NOTCH2NLB: variants seen among roughly 807,000 people sequenced by gnomAD.
NOTCH2NLB encodes the protein notch homolog 2 N-terminal-like protein B.
In NOTCH2NLB, 1 loss-of-function variant was observed where a neutral mutation model predicts 14.8. The ratio of observed to expected loss-of-function variants is 0.07; its 90% CI spans 0.02 to 0.32. The LOEUF (loss-of-function observed/expected upper bound fraction) is 0.32. NOTCH2NLB is among the 10% of genes least tolerant of loss of function. NOTCH2NLB has a pLI of 1.00. For missense variants in NOTCH2NLB, 11 were observed against 155.0 expected (o/e 0.07, Z 4.93); for synonymous variants, 6 against 57.5 (o/e 0.10, Z 4.05).
the NOTCH2NLB span, among the ~76,000 whole-genome samples, chr1:148,693,072 T>G: frequency 8.3e-6 from 1 of 120,010 alleles, no homozygotes; most frequent in Non-Finnish European, 1.6e-5. Context: ...TCTCTGCCGC[T>G]AGGAAGAAGA....
chr1:148,608,310 C>T (rs1663571589), intron 3 of NOTCH2NLB, among the ~76,000 whole-genome samples: 1 of 137,090 alleles, frequency 7.3e-6, no homozygotes, highest in Admixed American at 6.9e-5. Flanking sequence ...TCACTTGAAC[C>T]CAGGAGGCGG....
the NOTCH2NLB span, among the ~76,000 whole-genome samples, chr1:148,703,068 C>T: frequency 8.6e-4 from 22 of 25,588 alleles, 1 homozygote; most frequent in Non-Finnish European, 1.3e-3. Context: ...GCCGAGATTG[C>T]GCCACTGCAC....
At chr1:148,628,284 T>G (rs1571098514) in intron 2 of NOTCH2NLB, among the ~76,000 whole-genome samples, 2 of 127,480 alleles carry the variant, frequency 1.6e-5, no homozygotes, top group African/African-American at 3.5e-5. Context: ...TCCTACAAAG[T>G]GGCCTCAATA....
chr1:148,609,226 CTAA>C (rs1476776991), intron 3 of NOTCH2NLB, among the ~76,000 whole-genome samples: 1 of 118,486 alleles, frequency 8.4e-6, no homozygotes, highest in African/African-American at 3.5e-5. Flanking sequence ...GGTACATCTC[CTAA>C]TGCTATCCCT....
At chr1:148,638,435 C>T (rs1377199164) in intron 2 of NOTCH2NLB, among the ~76,000 whole-genome samples, 2 of 148,732 alleles carry the variant, frequency 1.3e-5, no homozygotes, top group African/African-American at 2.5e-5. Context: ...ATAAAGCAAG[C>T]AACTAAGGCA....
chr1:148,633,540 G>A (rs1204109067), intron 2 of NOTCH2NLB, among the ~76,000 whole-genome samples: 1 of 43,672 alleles, frequency 2.3e-5, no homozygotes, highest in African/African-American at 1.7e-4. Context: ...GCCACAGAGC[G>A]AGACTCTGTC....
At chr1:148,670,553 C>G (rs1181324072) in intron 1 of NOTCH2NLB, among the ~76,000 whole-genome samples, 5 of 104,242 alleles carry the variant, frequency 4.8e-5, no homozygotes, top group Admixed American at 9.2e-5. Flanking sequence ...TATATATATA[C>G]ATATATATAT....
chr1:148,670,617 A>G (rs1467107794), intron 1 of NOTCH2NLB, among the ~76,000 whole-genome samples: 1 of 133,854 alleles, frequency 7.5e-6, no homozygotes, highest in Non-Finnish European at 1.7e-5. Flanking sequence ...GGGTAAAAAA[A>G]CCAAAGACGT....
chr1:148,691,865 C>T, the NOTCH2NLB span, among the ~76,000 whole-genome samples: 6 of 99,834 alleles, frequency 6.0e-5, 1 homozygote, highest in South Asian at 8.2e-4. Flanking sequence ...GCTCTTGCTC[C>T]CTCTCTTGCC....
At chr1:148,703,320 C>T in the NOTCH2NLB span, among the ~76,000 whole-genome samples, 2 of 130,198 alleles carry the variant, frequency 1.5e-5, no homozygotes, top group Non-Finnish European at 3.3e-5. Context: ...TTACAAAGCA[C>T]TATAGGTGCT....
chr1:148,662,271 TTC>T lies in NOTCH2NLB; in HGVS notation c.3+17189_3+17190del, dbSNP rs1182132375. On this transcript the variant is annotated intron_variant, in intron 1 of 4. Coordinates refer to ENST00000593495, the Ensembl canonical transcript of NOTCH2NLB. ...ACACCATCTGTGTACACAATTTGTA[TTC>T]TGTTTAAATTTAAAGTTATAATGAT... is the stretch of plus-strand genomic sequence containing the variant. 6.6e-5 allele frequency among the ~76,000 whole-genome samples: 3 copies of T among 45,760 alleles called. No individual in the cohort carries two copies. The Admixed American group carries it at 7.1e-4, about 11-fold the overall frequency. The allele number at this position is 45,760 out of a possible 152,430, so 30.0% of individuals were successfully genotyped here.
rs1451430191 is a variant in NOTCH2NLB, at chr1:148,679,493, C to T, written c.-29G>A. ...CGGGGGTCGCGCAGCACAGCCAGAG[C>T]GCCAGCAGCGCCCACAGCAGAGCGG... On this transcript the variant is annotated 5_prime_UTR_variant, in exon 1 of 5. Coordinates refer to ENST00000593495, the Ensembl canonical transcript of NOTCH2NLB. 3.7e-5 allele frequency: 42 copies of T among 1,121,256 alleles called. 14 individuals are homozygous for T. Among genetic ancestry groups the T allele is most frequent in the South Asian group, 1.3e-4 (7 of 53,226 alleles). 69.5% of individuals were successfully genotyped at this position (1,121,256 alleles called of 1,614,324 possible). A position where few individuals can be genotyped will look rare whatever the true frequency, so the allele number is the denominator to read the frequency against.
chr1:148,637,386 G>T (rs1458045956), intron 2 of NOTCH2NLB, among the ~76,000 whole-genome samples: 17 of 133,490 alleles, frequency 1.3e-4, no homozygotes, highest in Non-Finnish European at 1.9e-4. Context: ...TCCTCTCCTG[G>T]TAAGTGCTCA....
At chr1:148,608,386 C>CAA (rs1361551091) in intron 3 of NOTCH2NLB, among the ~76,000 whole-genome samples, 1 of 124,712 alleles carries the variant, frequency 8.0e-6, no homozygotes. Flanking sequence ...GACTCCATTT[C>CAA]AAAAAAAAAA....
the NOTCH2NLB span, among the ~76,000 whole-genome samples, chr1:148,694,266 C>A: frequency 6.6e-6 from 1 of 151,446 alleles, no homozygotes; most frequent in East Asian, 2.0e-4. Context: ...CATCTTCGCC[C>A]TTCAGCTTTC....
intron 2 of NOTCH2NLB, among the ~76,000 whole-genome samples, chr1:148,633,568 C>A (rs1395231502): frequency 1.4e-4 from 4 of 29,114 alleles, no homozygotes; most frequent in South Asian, 1.4e-3. Context: ...AAAACAACAA[C>A]AAAAAACTAT....
intron 2 of NOTCH2NLB, among the ~76,000 whole-genome samples, chr1:148,630,299 G>T (rs1184734862): frequency 9.1e-6 from 1 of 110,358 alleles, no homozygotes; most frequent in Non-Finnish European, 1.8e-5. Flanking sequence ...GCTCCCAGCT[G>T]CCCTCTCTTC....
intron 2 of NOTCH2NLB, among the ~76,000 whole-genome samples, chr1:148,638,466 AAAC>A (rs1452882238): frequency 2.0e-5 from 3 of 148,952 alleles, no homozygotes; most frequent in Non-Finnish European, 4.5e-5. Context: ...CAAAAAGACT[AAAC>A]AAGATTTCAG....
the NOTCH2NLB span, among the ~76,000 whole-genome samples, chr1:148,684,939 A>T: frequency 2.1e-5 from 3 of 140,784 alleles, no homozygotes; most frequent in East Asian, 6.1e-4. Flanking sequence ...AAAAAAAAAA[A>T]AACTTACCTA....
Sources: gnomAD v4.1 joint callset for allele counts (sites outside exome capture counted in the v4.1 genomes callset) on GRCh38, gnomAD v4.1.1 for gene constraint, MANE v1.5 for transcripts, NCBI Gene and HGNC (gene_info 2026-07-23, HGNC 2026-07-21) for gene names.